Variants in DDX54 observed in about 807,000 individuals in gnomAD.
The protein encoded by DDX54 is ATP-dependent RNA helicase DDX54.
A neutral mutation model predicts 105.5 loss-of-function variants in DDX54; 67 were observed. That is an observed-to-expected ratio of 0.64 (90% CI 0.52 to 0.78). DDX54 has a LOEUF of 0.78. DDX54 is among the 30% of genes least tolerant of loss of function. The pLI, the probability that DDX54 is intolerant of heterozygous loss-of-function variation, is 0.00. For synonymous variants in DDX54, 514 were observed against 509.9 expected (o/e 1.01, Z -0.11); for missense variants, 1,206 against 1,230.5 (o/e 0.98, Z 0.30).
chr12:113,157,845 G>A lies in DDX54; in HGVS notation c.*1032C>T. 1 of 631,908 alleles carries A rather than the reference G, an allele frequency of 1.6e-6. No homozygotes were observed. The highest frequency in any genetic ancestry group is 1.8e-5 in the South Asian group (1 of 54,682). The allele number at this position is 631,908 out of a possible 1,614,324, so 39.1% of individuals were successfully genotyped here. The stretch of plus-strand genomic sequence containing the variant: ...TCAGAGTGCTGTGGGCCTGCCATGA[G>A]GGGCACATAGCAAGCACTCCATAAA... On this transcript the variant is annotated 3_prime_UTR_variant, in exon 20 of 20. Coordinates refer to ENST00000306014, the MANE Select transcript of DDX54 (RefSeq NM_024072.4).
chr12:113,162,735 C>G, intron 17 of DDX54, 197 bp downstream of exon 17: 1 of 563,328 alleles, frequency 1.8e-6, no homozygotes, highest in Non-Finnish European at 3.1e-6. Context: ...GGGCAGCTCA[C>G]TCTCTCACTC....
chr12:113,169,630 AC>A, intron 12 of DDX54, 139 bp downstream of exon 12: 5 of 1,176,896 alleles, frequency 4.2e-6, no homozygotes, highest in Non-Finnish European at 5.8e-6. Context: ...CAAAAAATAA[AC>A]AAAACAAATA....
intron 12 of DDX54, among the ~76,000 whole-genome samples, chr12:113,166,302 G>A (rs1308076521): frequency 2.0e-5 from 3 of 152,136 alleles, no homozygotes; most frequent in African/African-American, 7.2e-5. Context: ...ACTTGCTTAC[G>A]CATGGTCTCC....
intron 12 of DDX54, among the ~76,000 whole-genome samples, chr12:113,166,240 C>T (rs1007843984): frequency 5.9e-5 from 9 of 152,196 alleles, no homozygotes; most frequent in Non-Finnish European, 1.3e-4. Context: ...TGCGGCCGGC[C>T]GGCCAGCTGC....
intron 19 of DDX54, 55 bp downstream of exon 19, chr12:113,161,215 T>G: frequency 1.6e-5 from 24 of 1,455,872 alleles, no homozygotes; most frequent in Non-Finnish European, 2.3e-5. Flanking sequence ...TACCCTAATC[T>G]GACCACAACT....
At position 113,164,149 on chromosome 12, in the gene DDX54, A is replaced by G; in HGVS notation, c.1856T>C (p.Val619Ala). The G allele has an allele frequency of 6.4e-7, 1 of 1,554,076 alleles. No homozygotes were observed. The highest frequency in any genetic ancestry group is 8.7e-7 in the Non-Finnish European group (1 of 1,149,686). Residue 619 changes from valine to alanine, a missense_variant, in exon 15 of 20, where the codon GTG becomes GCG. Physicochemically the swap from Val to Ala is moderately conservative, Grantham distance 64. Coordinates refer to ENST00000306014, the MANE Select transcript of DDX54 (RefSeq NM_024072.4). ...QGRQEQQEGP[V>A]GPAPSRPALQ... is the part of the protein sequence containing the mutation. ...TGCTGGGCGGCTCGGGGCTGGGCCC[A>G]CTGGGCCCTCCTGCTGCTCCTGCCG... is the stretch of plus-strand genomic sequence containing the variant.
chr12:113,161,922 G>GCGGC lies in DDX54; in HGVS notation c.2267_2270dup (p.Tyr758ProfsTer22). 6.2e-7 allele frequency: 1 copy of GCGGC among 1,612,666 alleles called. No individual in the cohort carries two copies. The highest frequency in any genetic ancestry group is 8.5e-7 in the Non-Finnish European group (1 of 1,179,818). Reference sequence around the variant, plus strand: ...CTCGCTTGTAGGAGCTGCTGATGTAGCGGCCGCTCTCTGTCTTAATCTTCT... The same window carrying GCGGC: ...CTCGCTTGTAGGAGCTGCTGATGTAGCGGCCGGCCGCTCTCTGTCTTAATCTTCT... On this transcript the variant is annotated frameshift_variant, in exon 18 of 20. Coordinates refer to ENST00000306014, the MANE Select transcript of DDX54 (RefSeq NM_024072.4). LOFTEE classifies it high-confidence loss of function.
Position 113,181,017 on chromosome 12 carries a change from T to A in DDX54, c.216A>T (p.Glu72Asp). ...GRPLPTFPTS[E>D]CTSDVEPDTR... ...TGTCCGGCTCCACATCCGAGGTGCA[T>A]TCCGAGGTGGGGAAGGTGGGCAGGG... is the stretch of plus-strand genomic sequence containing the variant. The change falls in exon 2 of 20, where the codon GAA becomes GAT. Residue 72 changes from glutamate (E) to aspartate (D), a missense_variant. Glu to Asp is a conservative substitution (Grantham distance 45). Coordinates refer to ENST00000306014, the MANE Select transcript of DDX54 (RefSeq NM_024072.4). 3 of 1,613,286 alleles carry A rather than the reference T, an allele frequency of 1.9e-6. No homozygotes were observed. Among genetic ancestry groups the A allele is most frequent in the Non-Finnish European group, 2.5e-6 (3 of 1,179,670 alleles).
intron 13 of DDX54, 41 bp downstream of exon 13, chr12:113,165,761 C>T (rs1251185253): frequency 2.5e-6 from 4 of 1,603,678 alleles, no homozygotes; most frequent in Non-Finnish European, 2.6e-6. Flanking sequence ...GTGGGGTCAG[C>T]AAGGCCCACC....
chr12:113,166,384 T>C (rs964903331), intron 12 of DDX54, among the ~76,000 whole-genome samples: 3 of 151,582 alleles, frequency 2.0e-5, no homozygotes, highest in Admixed American at 6.6e-5. Flanking sequence ...GCCTAGAATA[T>C]GTACTATCCG....
rs1952516453 is a variant in DDX54 at position 113,185,304 on chromosome 12, C to A, written c.148G>T (p.Ala50Ser). The change falls in exon 1 of 20, where the codon GCG (alanine) becomes TCG (serine). Residue 50 changes from alanine (A) to serine (S), a missense_variant. Around this residue, in one of 3 missense-constraint regions of DDX54, gnomAD observed 212 missense variants for 155.4 expected, o/e 1.36. Coordinates refer to ENST00000306014, the MANE Select transcript of DDX54 (RefSeq NM_024072.4). ...TTCCGGGCCCGGGCGTCATCTTCCGCCTGGATCTCAAACTCGCCGTCCTCC... is the reference window on the plus strand; with the variant it reads ...TTCCGGGCCCGGGCGTCATCTTCCGACTGGATCTCAAACTCGCCGTCCTCC... ...DSEDGEFEIQ[A>S]EDDARARKLG... The A allele has an allele frequency of 6.3e-7, 1 of 1,587,744 alleles. No individual in the cohort carries two copies. The highest frequency in any genetic ancestry group is 8.5e-7 in the Non-Finnish European group (1 of 1,170,562).
At chr12:113,169,323 T>C (rs1214412764) in intron 12 of DDX54, among the ~76,000 whole-genome samples, 1 of 150,018 alleles carries the variant, frequency 6.7e-6, no homozygotes, top group Admixed American at 6.6e-5. Flanking sequence ...CCCGTCTCGT[T>C]AAAAAATAGA....
intron 10 of DDX54, among the ~76,000 whole-genome samples, chr12:113,174,352 T>C (rs773162781): frequency 3.3e-5 from 5 of 151,696 alleles, no homozygotes; most frequent in Non-Finnish European, 7.4e-5. Flanking sequence ...TTGGGCATGG[T>C]GACATGCGCC....
Position 113,165,991 on chromosome 12 carries a change from T to G in DDX54, c.1456A>C (p.Ser486Arg). 6.2e-7 allele frequency: 1 copy of G among 1,611,628 alleles called. No homozygotes were observed. Among genetic ancestry groups the G allele is most frequent in the Non-Finnish European group, 8.5e-7 (1 of 1,179,982 alleles). Residue 486 changes from serine to arginine, a missense_variant, in exon 13 of 20, where the codon AGT becomes CGT. Physicochemically the swap from Ser to Arg is moderately radical, Grantham distance 110. Transcript: ENST00000306014. Reference sequence around the variant, plus strand: ...CCACTGTCCTCCTCGTCCACCACACTCTGTGGCACCCGACCCAGCATGCCA... The same window carrying G: ...CCACTGTCCTCCTCGTCCACCACACGCTGTGGCACCCGACCCAGCATGCCA... ...VDGMLGRVPQ[S>R]VVDEEDSGLQ...
At chr12:113,166,079 C>T (rs1952272298) in intron 12 of DDX54, 47 bp from the exon 13 acceptor site, 1 of 1,563,332 alleles carries the variant, frequency 6.4e-7, no homozygotes, top group Non-Finnish European at 8.6e-7. Flanking sequence ...GCCTGGCCCG[C>T]CTGTCCACTG....
In DDX54 at chr12:113,164,050, C is replaced by T. The variant is rs1192590974; in HGVS notation, c.1938+17G>A. On this transcript the variant is annotated intron_variant, in intron 15 of 19. Transcript: ENST00000306014. ...CCCCATACCCCAGGTCCAGGGTCCC[C>T]AGGGTGGAACCTGTACCTCCACACT... 1.0e-5 allele frequency: 16 copies of T among 1,536,266 alleles called. No homozygotes were observed. Among genetic ancestry groups the T allele is most frequent in the Non-Finnish European group, 1.4e-5 (16 of 1,136,302 alleles).
intron 7 of DDX54, 49 bp from the exon 8 acceptor site, chr12:113,175,206 G>A: frequency 6.5e-7 from 1 of 1,544,410 alleles, no homozygotes; most frequent in Admixed American, 1.9e-5. Context: ...TTCACTCCCT[G>A]GAGTTCCAAC....
In DDX54 at chr12:113,185,465, TG is replaced by T. The variant is rs1364015339; in HGVS notation, c.-15del. The T allele has an allele frequency of 6.9e-6, 10 of 1,456,030 alleles. No individual in the cohort carries two copies. The African/African-American group carries it at 1.5e-4, about 22-fold the overall frequency. 90.2% of individuals were successfully genotyped at this position (1,456,030 alleles called of 1,614,324 possible). A position where few individuals can be genotyped will look rare whatever the true frequency, so the allele number is the denominator to read the frequency against. Reference sequence around the variant, plus strand: ...GTCGGCCGCCATTCGGGCCGCGCGCTGGGAACGCAGAAGGGGGCGTGGCCTG... The same window carrying T: ...GTCGGCCGCCATTCGGGCCGCGCGCTGGAACGCAGAAGGGGGCGTGGCCTG... On this transcript the variant is annotated 5_prime_UTR_variant, in exon 1 of 20. Coordinates refer to ENST00000306014, the MANE Select transcript of DDX54 (RefSeq NM_024072.4).
At position 113,177,101 on chromosome 12, in the gene DDX54, G is replaced by A; in HGVS notation, c.615-8C>T. On this transcript the variant is annotated splice_region_variant and splice_polypyrimidine_tract_variant and intron_variant, in intron 5 of 19. Transcript: ENST00000306014. ...GCAAACTGGTCTTCCATCCTAGAGA[G>A]GAGAGAAGGGGTTAGCTTGATAGAA... The A allele has an allele frequency of 6.2e-7, 1 of 1,613,920 alleles. No individual in the cohort carries two copies.
Sources: allele counts gnomAD v4.1 joint callset (sites outside exome capture counted in the v4.1 genomes callset), GRCh38; gene constraint gnomAD v4.1.1; regional missense constraint gnomAD v4.1.1; transcripts MANE v1.5; gene names NCBI Gene and HGNC (gene_info 2026-07-23, HGNC 2026-07-21).